The following FOXO1 variants were observed in gnomAD, a reference collection of about 807,000 sequenced individuals.
The protein encoded by FOXO1 is forkhead box protein O1.
FOXO1 carries 6 observed loss-of-function variants against 44.1 expected under a neutral mutation model. The observed-to-expected ratio is 0.14, with a 90% CI of 0.07 to 0.27. The LOEUF (loss-of-function observed/expected upper bound fraction) is 0.27, where lower values mean the gene tolerates loss of function less well. Ranked by LOEUF, FOXO1 falls within the 10% of genes least tolerant of loss-of-function variation. The pLI, the probability that FOXO1 is intolerant of heterozygous loss-of-function variation, is 1.00. For synonymous variants in FOXO1, 380 were observed against 362.7 expected (o/e 1.05, Z -0.54); for missense variants, 737 against 888.8 (o/e 0.83, Z 2.17).
At chr13:40,649,574 G>A (rs554464647) in intron 1 of FOXO1, among the ~76,000 whole-genome samples, 1 of 152,286 alleles carries the variant, frequency 6.6e-6, no homozygotes, top group South Asian at 2.1e-4. Context: ...AAATTATTAA[G>A]TAGGGTCCTC....
intron 1 of FOXO1, among the ~76,000 whole-genome samples, chr13:40,646,638 G>A (rs769757722): frequency 1.3e-5 from 2 of 152,096 alleles, no homozygotes; most frequent in Non-Finnish European, 2.9e-5. Context: ...TCTGTCTCCA[G>A]GGTGGAGTGC....
At chr13:40,659,936 A>G (rs1452451886) in intron 1 of FOXO1, among the ~76,000 whole-genome samples, 1 of 152,246 alleles carries the variant, frequency 6.6e-6, no homozygotes, top group Non-Finnish European at 1.5e-5. Flanking sequence ...ATACCTACAA[A>G]AGAATTTCTG....
intron 1 of FOXO1, among the ~76,000 whole-genome samples, chr13:40,644,976 AGACTACTGCTGGC>A (rs1262713661): frequency 2.6e-5 from 4 of 152,210 alleles, no homozygotes; most frequent in African/African-American, 9.7e-5. Context: ...AGACTAAACC[AGACTACTGCTGGC>A]GACAGAGTCG....
intron 1 of FOXO1, among the ~76,000 whole-genome samples, chr13:40,661,919 A>G (rs1878047732): frequency 6.6e-6 from 1 of 152,148 alleles, no homozygotes; most frequent in African/African-American, 2.4e-5. Flanking sequence ...TACGCATGTA[A>G]TCTCTGCACT....
At chr13:40,575,611 A>G (rs1378291632) in intron 1 of FOXO1, among the ~76,000 whole-genome samples, 2 of 152,232 alleles carry the variant, frequency 1.3e-5, no homozygotes, top group East Asian at 3.8e-4. Flanking sequence ...ATTTCCATTC[A>G]CATTTCAATA....
intron 1 of FOXO1, among the ~76,000 whole-genome samples, chr13:40,612,739 T>C (rs968669642): frequency 6.6e-6 from 1 of 152,224 alleles, no homozygotes; most frequent in African/African-American, 2.4e-5. Context: ...TTTTATTACA[T>C]TATACTGTTA....
chr13:40,658,881 G>C (rs1593418812), intron 1 of FOXO1, among the ~76,000 whole-genome samples: 1 of 152,220 alleles, frequency 6.6e-6, no homozygotes, highest in East Asian at 1.9e-4. Context: ...GCGTGGTGGT[G>C]GGCGCCTGTA....
Position 40,666,215 on chromosome 13 carries a change from T to G in FOXO1, c.-3A>C. 7.0e-7 allele frequency: 1 copy of G among 1,419,256 alleles called. No individual in the cohort carries two copies. 87.9% of individuals were successfully genotyped at this position (1,419,256 alleles called of 1,614,324 possible). On this transcript the variant is annotated 5_prime_UTR_variant, in exon 1 of 3. Transcript: ENST00000379561. Reference sequence around the variant, plus strand: ...ACCACCTGAGGCGCCTCGGCCATGGTGACCCCCGCCCCTCCCCCAGCCGCA... The same window carrying G: ...ACCACCTGAGGCGCCTCGGCCATGGGGACCCCCGCCCCTCCCCCAGCCGCA...
At chr13:40,604,145 G>A (rs1324061959) in intron 1 of FOXO1, among the ~76,000 whole-genome samples, 2 of 151,548 alleles carry the variant, frequency 1.3e-5, no homozygotes, top group Non-Finnish European at 2.9e-5. Context: ...TATATTGAAT[G>A]TGACAGAATT....
At chr13:40,617,232 G>A (rs1315659212) in intron 1 of FOXO1, among the ~76,000 whole-genome samples, 4 of 152,158 alleles carry the variant, frequency 2.6e-5, no homozygotes, top group Non-Finnish European at 5.9e-5. Context: ...GATCACCTGA[G>A]GTCAGGAGTT....
chr13:40,665,935 G>A lies in FOXO1; in HGVS notation c.278C>T (p.Ala93Val), dbSNP rs989533582. ...GGCCGCGGCGGCCGCCGCCGCCACCGCCGCCGCCACGGAGCCGGGCGCCTG... is the reference window on the plus strand; with the variant it reads ...GGCCGCGGCGGCCGCCGCCGCCACCACCGCCGCCACGGAGCCGGGCGCCTG... The part of the protein sequence containing the change: ...FPQAPGSVAA[A>V]VAAAAAAAAT... Residue 93 changes from alanine (A) to valine (V), a missense_variant, in exon 1 of 3, where the codon GCG (alanine) becomes GTG (valine). This residue lies in a region of FOXO1 where 213 missense variants were observed against 236.4 expected (regional missense o/e 0.90). Transcript: ENST00000379561. 8 of 1,214,614 alleles carry A rather than the reference G, an allele frequency of 6.6e-6. No individual in the cohort carries two copies. Among genetic ancestry groups the A allele is most frequent in the South Asian group, 4.1e-5 (1 of 24,330 alleles). The allele number at this position is 1,214,614 out of a possible 1,614,324, so 75.2% of individuals were successfully genotyped here. A position where few individuals can be genotyped will look rare whatever the true frequency, so the allele number is the denominator to read the frequency against.
chr13:40,619,781 C>A, intron 1 of FOXO1: 1 of 800,796 alleles, frequency 1.2e-6, no homozygotes. Context: ...GCTGGCATTC[C>A]CAGAGCTAGT....
In FOXO1 at chr13:40,586,806, A is replaced by G. The variant is rs184797113; in HGVS notation, c.631-25946T>C. On this transcript the variant is annotated intron_variant, in intron 1 of 2. Coordinates refer to ENST00000379561, the MANE Select transcript of FOXO1 (RefSeq NM_002015.4). ...TCTGATGGGTACGGAAGTTACTGAC[A>G]TGCAAAGTCAGCACAAGGGAACCGT... Among the ~76,000 whole-genome samples the G allele has an allele frequency of 2.8e-3, 428 of 152,294 alleles. 2 individuals carry two copies. Among genetic ancestry groups the G allele is most frequent in the African/African-American group, 9.9e-3 (411 of 41,556 alleles).
chr13:40,611,855 T>C (rs1352571215), intron 1 of FOXO1, among the ~76,000 whole-genome samples: 1 of 152,176 alleles, frequency 6.6e-6, no homozygotes, highest in African/African-American at 2.4e-5. Flanking sequence ...AGTGGATCAC[T>C]TGAGCCCAGG....
At chr13:40,570,172 T>C (rs780843155) in intron 1 of FOXO1, among the ~76,000 whole-genome samples, 18 of 151,638 alleles carry the variant, frequency 1.2e-4, no homozygotes, top group Admixed American at 2.6e-4. Context: ...TGGCCGGGTG[T>C]GGTGGCACGT....
intron 1 of FOXO1, among the ~76,000 whole-genome samples, chr13:40,572,383 G>C (rs1593383328): frequency 6.8e-6 from 1 of 146,202 alleles, no homozygotes; most frequent in Non-Finnish European, 1.5e-5. Context: ...AGTAAACAGA[G>C]TACCAAGTCT....
intron 1 of FOXO1, among the ~76,000 whole-genome samples, chr13:40,586,792 C>G (rs769890691): frequency 6.6e-6 from 1 of 152,074 alleles, no homozygotes; most frequent in Non-Finnish European, 1.5e-5. Flanking sequence ...CTGATGGGTA[C>G]GGAAGTTACT....
intron 1 of FOXO1, among the ~76,000 whole-genome samples, chr13:40,642,635 T>C (rs1453564059): frequency 1.3e-5 from 2 of 152,204 alleles, no homozygotes; most frequent in African/African-American, 4.8e-5. Flanking sequence ...ACAGCATAAA[T>C]AGGCTGGGCA....
intron 1 of FOXO1, among the ~76,000 whole-genome samples, chr13:40,628,935 C>T (rs539592360): frequency 1.8e-4 from 27 of 152,268 alleles, no homozygotes; most frequent in African/African-American, 6.5e-4. Context: ...TATATTTTTA[C>T]AAGTGCATCT....
Sources: gnomAD v4.1 joint callset for allele counts (sites outside exome capture counted in the v4.1 genomes callset) on GRCh38, gnomAD v4.1.1 for gene constraint, gnomAD v4.1.1 regional missense constraint, MANE v1.5 for transcripts, NCBI Gene and HGNC (gene_info 2026-07-23, HGNC 2026-07-21) for gene names.